CNTNAP2: variants seen among roughly 807,000 people sequenced by gnomAD.
CNTNAP2 encodes contactin associated protein 2.
In CNTNAP2, 98 loss-of-function variants were observed where a neutral mutation model predicts 155.2. The observed-to-expected ratio is 0.63, with a 90% CI of 0.54 to 0.75. The LOEUF (loss-of-function observed/expected upper bound fraction) is 0.75. Ranked by LOEUF, CNTNAP2 falls within the 30% of genes least tolerant of loss-of-function variation. The pLI is 0.00. For missense variants in CNTNAP2, 1,727 were observed against 1,688.1 expected, an observed-to-expected ratio of 1.02 and a Z score of -0.40; for synonymous variants, 651 against 631.2, an observed-to-expected ratio of 1.03 and a Z score of -0.47.
intron 10 of CNTNAP2, among the ~76,000 whole-genome samples, chr7:147,465,539 T>G (rs1395716735): frequency 1.3e-5 from 2 of 152,242 alleles, no homozygotes; most frequent in African/African-American, 2.4e-5. Flanking sequence ...TCTTGGCTAC[T>G]GACATAGAAA....
At chr7:146,973,628 T>C (rs1175478094) in intron 3 of CNTNAP2, among the ~76,000 whole-genome samples, 1 of 152,200 alleles carries the variant, frequency 6.6e-6, no homozygotes, top group Non-Finnish European at 1.5e-5. Flanking sequence ...AAAGATCCAC[T>C]GTGAGATGCT....
At chr7:147,270,011 A>G (rs1035051709) in intron 8 of CNTNAP2, among the ~76,000 whole-genome samples, 6 of 152,182 alleles carry the variant, frequency 3.9e-5, no homozygotes, top group Non-Finnish European at 7.4e-5. Context: ...GCAGTGAGCT[A>G]TGATTGTGCC....
At chr7:147,778,369 T>A (rs933149726) in intron 13 of CNTNAP2, among the ~76,000 whole-genome samples, 6 of 152,270 alleles carry the variant, frequency 3.9e-5, no homozygotes, top group African/African-American at 1.4e-4. Context: ...AGTCTTCATA[T>A]GCTTTACACA....
At chr7:148,007,494 T>C (rs766957617) in intron 15 of CNTNAP2, among the ~76,000 whole-genome samples, 13 of 152,152 alleles carry the variant, frequency 8.5e-5, no homozygotes, top group Admixed American at 3.3e-4. Flanking sequence ...AAAATAATAT[T>C]GAAATGTGAA....
chr7:147,930,505 A>T (rs1243335442), intron 14 of CNTNAP2, among the ~76,000 whole-genome samples: 1 of 152,250 alleles, frequency 6.6e-6, no homozygotes, highest in African/African-American at 2.4e-5. Flanking sequence ...TAATAATATC[A>T]GCAGAAGGAA....
chr7:146,821,721 A>G (rs561959358), intron 2 of CNTNAP2, among the ~76,000 whole-genome samples: 1 of 152,300 alleles, frequency 6.6e-6, no homozygotes, highest in East Asian at 1.9e-4. Flanking sequence ...ACATGAAAAA[A>G]TGCTCATCAT....
At chr7:146,861,370 C>A (rs894719969) in intron 3 of CNTNAP2, among the ~76,000 whole-genome samples, 4 of 152,060 alleles carry the variant, frequency 2.6e-5, no homozygotes, top group Admixed American at 2.6e-4. Flanking sequence ...TTCTTGAACA[C>A]ATTTTAAAAT....
chr7:148,313,661 G>A (rs1288194315), intron 21 of CNTNAP2, among the ~76,000 whole-genome samples: 1 of 152,204 alleles, frequency 6.6e-6, no homozygotes, highest in Non-Finnish European at 1.5e-5. Context: ...CTACTTGGCT[G>A]CCTCTACTCT....
intron 1 of CNTNAP2, among the ~76,000 whole-genome samples, chr7:146,441,971 C>T (rs1251752741): frequency 2.0e-5 from 3 of 151,622 alleles, no homozygotes; most frequent in African/African-American, 4.9e-5. Context: ...CACAAAGGTA[C>T]TGTCATGTAT....
intron 12 of CNTNAP2, among the ~76,000 whole-genome samples, chr7:147,603,408 G>T (rs10235532): frequency 0.011 from 1,714 of 152,184 alleles, 43 homozygotes; most frequent in African/African-American, 0.039. Flanking sequence ...AAAATCACAA[G>T]CATTCTTATA....
intron 1 of CNTNAP2, among the ~76,000 whole-genome samples, chr7:146,597,663 A>T (rs1169860688): frequency 6.6e-6 from 1 of 152,084 alleles, no homozygotes; most frequent in Non-Finnish European, 1.5e-5. Flanking sequence ...TTTGACTCCG[A>T]CATTATGGAC....
At chr7:146,387,568 T>A (rs1305702548) in intron 1 of CNTNAP2, among the ~76,000 whole-genome samples, 1 of 152,230 alleles carries the variant, frequency 6.6e-6, no homozygotes, top group Non-Finnish European at 1.5e-5. Flanking sequence ...TGCTTTCTTA[T>A]TTCATAAAGA....
Position 146,839,774 on chromosome 7 carries a change from A to G in CNTNAP2, c.272A>G (p.Asn91Ser). 1 of 1,614,210 alleles carries G rather than the reference A, an allele frequency of 6.2e-7. No homozygotes were observed. Among genetic ancestry groups the G allele is most frequent in the Non-Finnish European group, 8.5e-7 (1 of 1,180,032 alleles). Reference sequence around the variant, plus strand: ...CAATGGCTTCAGGTTGACTTTGGCAATCGGAAGCAGATCAGTGCCATTGCA... The same window carrying G: ...CAATGGCTTCAGGTTGACTTTGGCAGTCGGAAGCAGATCAGTGCCATTGCA... The part of the protein sequence containing the change: ...HYQWLQVDFG[N>S]RKQISAIATQ... The change falls in exon 3 of 24, where the codon AAT (asparagine) becomes AGT (serine). Residue 91 changes from asparagine to serine, a missense_variant. Transcript: ENST00000361727.
intron 1 of CNTNAP2, among the ~76,000 whole-genome samples, chr7:146,432,910 G>T (rs978834693): frequency 1.1e-4 from 16 of 152,100 alleles, no homozygotes; most frequent in African/African-American, 3.9e-4. Context: ...TATTAAACCA[G>T]TATCACTCCA....
intron 6 of CNTNAP2, among the ~76,000 whole-genome samples, chr7:147,127,749 C>A (rs560077804): frequency 2.6e-5 from 4 of 152,006 alleles, no homozygotes; most frequent in Non-Finnish European, 4.4e-5. Flanking sequence ...GACCACAGAG[C>A]ATTTTCTGAC....
chr7:146,676,550 C>T (rs1272129591), intron 1 of CNTNAP2, among the ~76,000 whole-genome samples: 1 of 151,784 alleles, frequency 6.6e-6, no homozygotes, highest in Admixed American at 6.6e-5. Flanking sequence ...GGGTACAGAT[C>T]CCATCACACA....
chr7:146,125,043 G>A (rs117689274), intron 1 of CNTNAP2, among the ~76,000 whole-genome samples: 2,806 of 152,236 alleles, frequency 0.018, 34 homozygotes, highest in Non-Finnish European at 0.03. Flanking sequence ...CTTGGTTAAT[G>A]TCCTCATCCC....
chr7:147,455,519 A>G (rs1388743332), intron 10 of CNTNAP2, among the ~76,000 whole-genome samples: 7 of 152,122 alleles, frequency 4.6e-5, no homozygotes, highest in Non-Finnish European at 1.5e-5. Context: ...TGTCTTCATC[A>G]TCTCAGTTTA....
intron 13 of CNTNAP2, among the ~76,000 whole-genome samples, chr7:147,890,131 C>T (rs143372806): frequency 0.011 from 1,666 of 152,216 alleles, 88 homozygotes; most frequent in Admixed American, 0.091. Flanking sequence ...GGGCAAATCA[C>T]GAGGTCAGGA....
Sources: allele counts gnomAD v4.1 joint callset (sites outside exome capture counted in the v4.1 genomes callset), GRCh38; gene constraint gnomAD v4.1.1; transcripts MANE v1.5; gene names NCBI Gene and HGNC (gene_info 2026-07-23, HGNC 2026-07-21).